The following FLT1 variants were observed in gnomAD, a reference collection of about 807,000 sequenced individuals.
FLT1 encodes vascular endothelial growth factor receptor 1.
In FLT1, 49 loss-of-function variants were observed where a neutral mutation model predicts 156.3. The observed-to-expected ratio is 0.31, with a 90% CI of 0.25 to 0.40. The LOEUF (loss-of-function observed/expected upper bound fraction) is 0.40. Among genes scored for constraint, FLT1 ranks in the 10% least tolerant of loss-of-function variants. The pLI is 1.00. For missense variants in FLT1, 1,322 were observed against 1,637.2 expected (o/e 0.81, Z 3.32); for synonymous variants, 594 against 583.8 (o/e 1.02, Z -0.25).
At position 28,386,272 on chromosome 13, in the gene FLT1, G is replaced by C. The variant is rs781673259; in HGVS notation, c.1970-1241C>G. On this transcript the variant is annotated intron_variant, in intron 13 of 29. Coordinates refer to ENST00000282397, the MANE Select transcript of FLT1 (RefSeq NM_002019.4). ...TTGAGTCCTGCAGGGCAACTCTCAG[G>C]ATTAGCATTTGTTAAAGCAATTTAG... The C allele has an allele frequency of 4.8e-6, 5 of 1,048,594 alleles. No individual in the cohort carries two copies. The African/African-American group carries it at 6.6e-5, about 14-fold the overall frequency. The allele number at this position is 1,048,594 out of a possible 1,614,324, so 65.0% of individuals were successfully genotyped here.
At chr13:28,386,687 C>A (rs1031008263) in intron 13 of FLT1, 1 of 1,055,918 alleles carries the variant, frequency 9.5e-7, no homozygotes, top group Non-Finnish European at 1.1e-6. Flanking sequence ...CTTTGATTTA[C>A]GACTACTTGT....
At position 28,329,657 on chromosome 13, in the gene FLT1, G is replaced by T. The variant is rs770140431; in HGVS notation, c.2665C>A (p.Leu889Met). Residue 889 changes from leucine (L) to methionine (M), a missense_variant, in exon 19 of 30, where the codon CTG (leucine) becomes ATG (methionine). By Grantham distance (15) the Leu-to-Met change is conservative. This residue lies in a region of FLT1 where 991 missense variants were observed against 1,254.8 expected (regional missense o/e 0.79). Coordinates refer to ENST00000282397, the MANE Select transcript of FLT1 (RefSeq NM_002019.4). Reference protein sequence around the residue: ...LKILTHIGHHLNVVNLLGACT... With the variant: ...LKILTHIGHHMNVVNLLGACT... ...GCTCCCAGCAGGTTAACCACGTTCAGATGGTGGCCAATGTGGGTCAAGATT... is the reference window on the plus strand; with the variant it reads ...GCTCCCAGCAGGTTAACCACGTTCATATGGTGGCCAATGTGGGTCAAGATT... 1 of 1,614,232 alleles carries T rather than the reference G, an allele frequency of 6.2e-7. No individual in the cohort carries two copies. The highest frequency in any genetic ancestry group is 1.7e-5 in the Admixed American group (1 of 60,036).
chr13:28,468,899 C>T (rs966469769), intron 1 of FLT1, among the ~76,000 whole-genome samples: 2 of 152,218 alleles, frequency 1.3e-5, no homozygotes, highest in African/African-American at 4.8e-5. Flanking sequence ...TAAGAACAGC[C>T]TAACAGACAG....
chr13:28,408,715 G>T (rs769544804), intron 10 of FLT1, among the ~76,000 whole-genome samples: 14 of 152,124 alleles, frequency 9.2e-5, no homozygotes, highest in Non-Finnish European at 2.1e-4. Flanking sequence ...TCCTGCCAAA[G>T]CGAGATAAGA....
intron 14 of FLT1, among the ~76,000 whole-genome samples, chr13:28,372,568 A>G (rs915305948): frequency 3.0e-3 from 34 of 11,332 alleles, no homozygotes; most frequent in African/African-American, 0.01. Context: ...AATAAAATGT[A>G]TATATATATA....
chr13:28,339,476 A>G (rs1022275535), intron 16 of FLT1, among the ~76,000 whole-genome samples, 176 bp from the exon 17 acceptor site: 1 of 152,214 alleles, frequency 6.6e-6, no homozygotes, highest in Non-Finnish European at 1.5e-5. Flanking sequence ...TGCAATTTCT[A>G]TTAAACGACT....
chr13:28,471,519 G>T (rs1281626631), intron 1 of FLT1, among the ~76,000 whole-genome samples: 2 of 152,132 alleles, frequency 1.3e-5, no homozygotes, highest in South Asian at 2.1e-4. Context: ...CTAGACACTT[G>T]CCCATCTTAT....
chr13:28,303,575 G>A (rs892835845), intron 29 of FLT1, among the ~76,000 whole-genome samples: 1 of 151,436 alleles, frequency 6.6e-6, no homozygotes, highest in Middle Eastern at 3.4e-3. Context: ...GTGTCATTGG[G>A]CAGAAAGACA....
chr13:28,321,561 T>C lies in FLT1; in HGVS notation c.3076A>G (p.Arg1026Gly). ...TTGTTCTCAGATAAAAGAATGTTTC[T>C]CGCTGCCAGGTCCCGATGAATGCAC... ...RKCIHRDLAA[R>G]NILLSENNVV... Residue 1026 changes from arginine to glycine, a missense_variant, in exon 23 of 30, where the codon AGA (arginine) becomes GGA (glycine). Around this residue, in one of 3 missense-constraint regions of FLT1, gnomAD observed 991 missense variants for 1,254.8 expected, o/e 0.79. Transcript: ENST00000282397. 6.2e-7 allele frequency: 1 copy of C among 1,614,242 alleles called. No homozygotes were observed. The highest frequency in any genetic ancestry group is 8.5e-7 in the Non-Finnish European group (1 of 1,180,032).
intron 14 of FLT1, among the ~76,000 whole-genome samples, chr13:28,365,210 T>C (rs1044978323): frequency 1.1e-4 from 16 of 152,332 alleles, no homozygotes; most frequent in Admixed American, 7.2e-4. Flanking sequence ...TCTTTAAATA[T>C]CATGCTTTTC....
intron 12 of FLT1, among the ~76,000 whole-genome samples, chr13:28,393,630 A>G (rs1161070102): frequency 6.6e-6 from 1 of 152,192 alleles, no homozygotes; most frequent in African/African-American, 2.4e-5. Flanking sequence ...TCTGACACTC[A>G]GGCTGGAGCA....
chr13:28,466,121 A>G (rs1425685613), intron 3 of FLT1, among the ~76,000 whole-genome samples: 3 of 152,306 alleles, frequency 2.0e-5, no homozygotes, highest in African/African-American at 7.2e-5. Flanking sequence ...GAACTAAACA[A>G]GGAAGAAGAA....
intron 18 of FLT1, among the ~76,000 whole-genome samples, chr13:28,332,871 T>C (rs1036135580): frequency 6.6e-6 from 1 of 152,166 alleles, no homozygotes; most frequent in Non-Finnish European, 1.5e-5. Flanking sequence ...TGATGCCTCT[T>C]CTCTTCAGAA....
chr13:28,349,354 T>C (rs1459553852), intron 15 of FLT1, among the ~76,000 whole-genome samples: 2 of 152,030 alleles, frequency 1.3e-5, no homozygotes, highest in Non-Finnish European at 2.9e-5. Flanking sequence ...ATGGGAAGAT[T>C]GTAAGCTCAA....
chr13:28,368,808 G>T, intron 14 of FLT1: 1 of 561,754 alleles, frequency 1.8e-6, no homozygotes, highest in South Asian at 2.6e-5. Flanking sequence ...GGGTTCAAGC[G>T]ATTCTTCTGC....
intron 1 of FLT1, among the ~76,000 whole-genome samples, chr13:28,475,607 G>A (rs972878682): frequency 1.1e-4 from 17 of 152,186 alleles, no homozygotes. Context: ...TGGTGGCAAG[G>A]ATGGGAGAAG....
At chr13:28,433,735 A>T (rs1877843334) in intron 6 of FLT1, 84 bp downstream of exon 6, 1 of 1,354,154 alleles carries the variant, frequency 7.4e-7, no homozygotes, top group Non-Finnish European at 1.1e-6. Flanking sequence ...GGATTTTCTG[A>T]TTTTTCCCAT....
intron 12 of FLT1, among the ~76,000 whole-genome samples, chr13:28,394,726 A>T (rs546897511): frequency 2.2e-4 from 33 of 152,164 alleles, no homozygotes; most frequent in African/African-American, 7.0e-4. Context: ...TCTTCCCACA[A>T]TGTGAAGAGT....
intron 12 of FLT1, 50 bp downstream of exon 12, chr13:28,396,910 G>A: frequency 9.4e-7 from 1 of 1,060,726 alleles, no homozygotes; most frequent in Non-Finnish European, 1.5e-6. Context: ...CAAGACTGAA[G>A]AGAGAATGAA....
Sources: gnomAD v4.1 joint callset for allele counts (sites outside exome capture counted in the v4.1 genomes callset) on GRCh38, gnomAD v4.1.1 for gene constraint, gnomAD v4.1.1 regional missense constraint, MANE v1.5 for transcripts, NCBI Gene and HGNC (gene_info 2026-07-23, HGNC 2026-07-21) for gene names.